HPGDS: variants seen among roughly 807,000 people sequenced by gnomAD.
The protein encoded by HPGDS is GST class-sigma.
Under a neutral mutation model 23.1 loss-of-function variants are expected in HPGDS, and 26 were observed. That is an observed-to-expected ratio of 1.13 (90% CI 0.83 to 1.56). The LOEUF is 1.56. Among genes scored for constraint, HPGDS ranks in the 40% most tolerant of loss-of-function variants. The pLI is 0.00. For synonymous variants in HPGDS, 95 were observed against 77.9 expected (o/e 1.22, Z -1.16); for missense variants, 268 against 236.4 (o/e 1.13, Z -0.88).
At chr4:94,306,576 G>A (rs1395474560) in intron 4 of HPGDS, among the ~76,000 whole-genome samples, 1 of 152,006 alleles carries the variant, frequency 6.6e-6, no homozygotes, top group Non-Finnish European at 1.5e-5. Flanking sequence ...AGGAGGTTTG[G>A]GAGGGGATAA....
At chr4:94,310,338 T>C (rs1326957974) in intron 3 of HPGDS, among the ~76,000 whole-genome samples, 1 of 152,222 alleles carries the variant, frequency 6.6e-6, no homozygotes. Context: ...CAGTTTCAGC[T>C]TTCTCCATAT....
intron 1 of HPGDS, among the ~76,000 whole-genome samples, chr4:94,338,072 T>C (rs1314722011): frequency 6.6e-6 from 1 of 152,208 alleles, no homozygotes; most frequent in Admixed American, 6.5e-5. Flanking sequence ...TTTCTGTTTG[T>C]CTCAGGAATA....
intron 3 of HPGDS, among the ~76,000 whole-genome samples, chr4:94,315,671 T>C (rs1025185369): frequency 1.3e-5 from 2 of 152,206 alleles, no homozygotes; most frequent in African/African-American, 2.4e-5. Context: ...AGTGGATGAA[T>C]TGTATGTAAA....
intron 5 of HPGDS, 80 bp downstream of exon 5, chr4:94,302,066 T>G: frequency 9.8e-7 from 1 of 1,024,514 alleles, no homozygotes; most frequent in South Asian, 1.7e-5. Flanking sequence ...TATAGGTAAC[T>G]TTTTTTCAGT....
intron 2 of HPGDS, among the ~76,000 whole-genome samples, chr4:94,322,391 C>T (rs1287556814): frequency 6.6e-6 from 1 of 152,150 alleles, no homozygotes; most frequent in Non-Finnish European, 1.5e-5. Flanking sequence ...CCACCTGGTC[C>T]TGGACTTTTT....
At chr4:94,318,153 T>C (rs1756433375) in intron 2 of HPGDS, among the ~76,000 whole-genome samples, 188 bp from the exon 3 acceptor site, 1 of 152,202 alleles carries the variant, frequency 6.6e-6, no homozygotes, top group South Asian at 2.1e-4. Context: ...TTTAAGTTGT[T>C]AGAAAACCTG....
chr4:94,308,227 C>T (rs1002046393), intron 4 of HPGDS, among the ~76,000 whole-genome samples: 6 of 152,078 alleles, frequency 3.9e-5, no homozygotes, highest in African/African-American at 1.4e-4. Context: ...GAATTTTCCA[C>T]TTGTGCTGTT....
chr4:94,299,699 G>A lies in HPGDS; in HGVS notation c.436-55C>T, dbSNP rs1755997711. 6 of 1,472,002 alleles carry A rather than the reference G, an allele frequency of 4.1e-6. No individual in the cohort carries two copies. The East Asian group carries it at 9.2e-5, about 23-fold the overall frequency. 91.2% of individuals were successfully genotyped at this position (1,472,002 alleles called of 1,614,324 possible). On this transcript the variant is annotated intron_variant, in intron 5 of 5. Transcript: ENST00000295256. ...GAACATAGAAAGTGTAGCTGTATCA[G>A]CATTCCAAAATTGAAATTAGTTTCT...
At chr4:94,306,561 G>A (rs1756142143) in intron 4 of HPGDS, among the ~76,000 whole-genome samples, 1 of 151,970 alleles carries the variant, frequency 6.6e-6, no homozygotes, top group East Asian at 1.9e-4. Context: ...CTAGAACTGG[G>A]GTTAAGGAGG....
At position 94,308,698 on chromosome 4, in the gene HPGDS, A is replaced by G. The variant is rs577555923; in HGVS notation, c.272T>C (p.Ile91Thr). Residue 91 changes from isoleucine to threonine, a missense_variant, in exon 4 of 6, where the codon ATT becomes ACT. Ile to Thr is a moderately conservative substitution (Grantham distance 89). Coordinates refer to ENST00000295256, the MANE Select transcript of HPGDS (RefSeq NM_014485.3). ...TEMEQCHVDAIVDTLDDFMSC... is the reference protein window; with the variant it reads ...TEMEQCHVDATVDTLDDFMSC... ...CATGAAATCATCCAGAGTGTCCACA[A>G]TAGCATCAACATGACATTGTTCCAT... 2.5e-6 allele frequency: 4 copies of G among 1,609,968 alleles called. No homozygotes were observed. Among genetic ancestry groups the G allele is most frequent in the East Asian group, 4.5e-5 (2 of 44,730 alleles).
rs781393132 is a variant in HPGDS, at chr4:94,308,683, T to C, written c.287A>G (p.Asp96Gly). The C allele has an allele frequency of 3.7e-6, 6 of 1,610,198 alleles. No homozygotes were observed. The highest frequency in any genetic ancestry group is 5.1e-6 in the Non-Finnish European group (6 of 1,177,408). Reference sequence around the variant, plus strand: ...CCAAGGAAAACATGACATGAAATCATCCAGAGTGTCCACAATAGCATCAAC... The same window carrying C: ...CCAAGGAAAACATGACATGAAATCACCCAGAGTGTCCACAATAGCATCAAC... ...CHVDAIVDTL[D>G]DFMSCFPWAE... Residue 96 changes from aspartate (D) to glycine (G), a missense_variant, in exon 4 of 6, where the codon GAT becomes GGT. By Grantham distance (94) the Asp-to-Gly change is moderately conservative. Coordinates refer to ENST00000295256, the MANE Select transcript of HPGDS (RefSeq NM_014485.3).
rs80066817 is a variant in HPGDS, at chr4:94,300,523, A to G, written c.436-879T>C. Reference sequence around the variant, plus strand: ...TGCTAGTGCCTCAGGAACTTATTAAACATCTGTCAGCCAAGAGAAGCTACT... The same window carrying G: ...TGCTAGTGCCTCAGGAACTTATTAAGCATCTGTCAGCCAAGAGAAGCTACT... On this transcript the variant is annotated intron_variant, in intron 5 of 5. Transcript: ENST00000295256. 1.5e-3 allele frequency among the ~76,000 whole-genome samples: 232 copies of G among 152,342 alleles called. 1 individual carries two copies. The highest frequency in any genetic ancestry group is 9.9e-3 in the Admixed American group (151 of 15,296).
chr4:94,314,663 A>T (rs899875278), intron 3 of HPGDS, among the ~76,000 whole-genome samples: 1 of 152,194 alleles, frequency 6.6e-6, no homozygotes, highest in Non-Finnish European at 1.5e-5. Flanking sequence ...TGGTCTCCCA[A>T]GCTGTCAGAT....
In HPGDS at chr4:94,302,263, A is replaced by G. The variant is rs1468498934; in HGVS notation, c.337-19T>C. The G allele has an allele frequency of 3.2e-6, 5 of 1,542,664 alleles. No homozygotes were observed. The highest frequency in any genetic ancestry group is 3.6e-6 in the Non-Finnish European group (4 of 1,118,324). On this transcript the variant is annotated intron_variant, in intron 4 of 5. Transcript: ENST00000295256. Reference sequence around the variant, plus strand: ...TCTGCTCCTAGGAGAAGGAGAAAATATCACTTTAAGAATAATGAGAAGAAA... The same window carrying G: ...TCTGCTCCTAGGAGAAGGAGAAAATGTCACTTTAAGAATAATGAGAAGAAA...
Position 94,317,870 on chromosome 4 carries a change from T to G in HPGDS, c.226+3A>C. ...AAAATCTTAAGCACAATAAACATGT[T>G]ACCTGTGTTTTTGGTCAAATATCTT... On this transcript the variant is annotated splice_donor_region_variant and intron_variant, in intron 3 of 5. Transcript: ENST00000295256. The G allele has an allele frequency of 6.4e-7, 1 of 1,559,808 alleles. No individual in the cohort carries two copies. The highest frequency in any genetic ancestry group is 1.1e-5 in the South Asian group (1 of 89,210).
chr4:94,340,240 G>GA (rs1056569616), intron 1 of HPGDS, among the ~76,000 whole-genome samples: 4 of 145,422 alleles, frequency 2.8e-5, no homozygotes, highest in Non-Finnish European at 4.5e-5. Flanking sequence ...ACAGGTGTGA[G>GA]CCACTGTGCC....
chr4:94,328,574 CAT>C (rs1756680563), intron 2 of HPGDS, among the ~76,000 whole-genome samples: 1 of 152,154 alleles, frequency 6.6e-6, no homozygotes. Context: ...AATTCAGCCA[CAT>C]AGTTTTAACC....
At chr4:94,322,375 G>A (rs1359561573) in intron 2 of HPGDS, among the ~76,000 whole-genome samples, 1 of 152,188 alleles carries the variant, frequency 6.6e-6, no homozygotes. Context: ...GAATTCAGCT[G>A]TGAATCCACC....
chr4:94,310,641 C>A (rs28812208), intron 3 of HPGDS, among the ~76,000 whole-genome samples: 22,537 of 151,944 alleles, frequency 0.15, 1,904 homozygotes, highest in Non-Finnish European at 0.19. Context: ...TCCATATGAA[C>A]TTTAAAGTAG....
Sources: gnomAD v4.1 joint callset for allele counts (sites outside exome capture counted in the v4.1 genomes callset) on GRCh38, gnomAD v4.1.1 for gene constraint, MANE v1.5 for transcripts, NCBI Gene and HGNC (gene_info 2026-07-23, HGNC 2026-07-21) for gene names.